SLC9A9: variants seen among roughly 807,000 people sequenced by gnomAD.
SLC9A9 encodes the protein sodium/hydrogen exchanger 9.
A neutral mutation model predicts 77.8 loss-of-function variants in SLC9A9; 62 were observed. The observed-to-expected ratio is 0.80, with a 90% CI of 0.65 to 0.98. The LOEUF (loss-of-function observed/expected upper bound fraction) is 0.98. Among genes scored for constraint, SLC9A9 ranks in the 50% least tolerant of loss-of-function variants. The pLI, the probability that SLC9A9 is intolerant of heterozygous loss-of-function variation, is 0.00. For synonymous variants in SLC9A9, 320 were observed against 283.5 expected, an observed-to-expected ratio of 1.13 and a Z score of -1.29; for missense variants, 775 against 774.9, an observed-to-expected ratio of 1.00 and a Z score of 0.00.
intron 6 of SLC9A9, among the ~76,000 whole-genome samples, chr3:143,605,745 T>C (rs2037911290): frequency 6.6e-6 from 1 of 152,332 alleles, no homozygotes; most frequent in East Asian, 1.9e-4. Flanking sequence ...TTGTTTTCGG[T>C]GACCTTATGA....
chr3:143,346,491 G>T (rs543646646), intron 14 of SLC9A9, among the ~76,000 whole-genome samples: 10 of 152,130 alleles, frequency 6.6e-5, no homozygotes, highest in South Asian at 4.2e-4. Context: ...TTATTTTTAT[G>T]AAACCTTTGG....
At chr3:143,358,932 A>T (rs2032664551) in intron 14 of SLC9A9, among the ~76,000 whole-genome samples, 1 of 152,226 alleles carries the variant, frequency 6.6e-6, no homozygotes, top group Non-Finnish European at 1.5e-5. Context: ...AAACCTAACA[A>T]AGGATGGACC....
chr3:143,563,889 G>T lies in SLC9A9; in HGVS notation c.1000+10199C>A, dbSNP rs1226883829. 2.0e-5 allele frequency among the ~76,000 whole-genome samples: 3 copies of T among 152,196 alleles called. No individual in the cohort carries two copies. The East Asian group carries it at 5.8e-4, about 29-fold the overall frequency. On this transcript the variant is annotated intron_variant, in intron 8 of 15. Transcript: ENST00000316549. ...ACTTGGGATTGAAGAATTGCATGGG[G>T]TTTAACAGCTTCACTTGACTTCCTG...
chr3:143,639,294 T>A (rs2038582015), intron 6 of SLC9A9, among the ~76,000 whole-genome samples: 1 of 152,214 alleles, frequency 6.6e-6, no homozygotes, highest in South Asian at 2.1e-4. Flanking sequence ...TTTGGAAATC[T>A]TTCCTTGCAT....
At chr3:143,371,537 A>G (rs2033059010) in intron 13 of SLC9A9, among the ~76,000 whole-genome samples, 4 of 152,202 alleles carry the variant, frequency 2.6e-5, no homozygotes, top group South Asian at 2.1e-4. Context: ...ACCTGAAGCC[A>G]GAAGAAAGGT....
At chr3:143,310,754 G>C (rs2030988306) in intron 14 of SLC9A9, among the ~76,000 whole-genome samples, 1 of 152,146 alleles carries the variant, frequency 6.6e-6, no homozygotes. Context: ...GCCGTAACCA[G>C]AAAAGATTAT....
chr3:143,754,026 C>A (rs2006841087), intron 4 of SLC9A9, among the ~76,000 whole-genome samples: 1 of 152,086 alleles, frequency 6.6e-6, no homozygotes. Context: ...CTTCTAGAAG[C>A]CAGGAGAAGG....
At chr3:143,434,252 C>T (rs900700468) in intron 12 of SLC9A9, among the ~76,000 whole-genome samples, 17 of 152,040 alleles carry the variant, frequency 1.1e-4, no homozygotes, top group African/African-American at 4.1e-4. Flanking sequence ...GAAAATCATT[C>T]GATGACAGAA....
intron 12 of SLC9A9, among the ~76,000 whole-genome samples, chr3:143,441,331 T>C (rs2108544670): frequency 6.6e-6 from 1 of 152,318 alleles, no homozygotes; most frequent in Admixed American, 6.5e-5. Context: ...AAAAAGGGTG[T>C]GGAGCTATGC....
intron 9 of SLC9A9, among the ~76,000 whole-genome samples, chr3:143,547,639 C>A (rs912073611): frequency 1.3e-5 from 2 of 152,224 alleles, no homozygotes; most frequent in Non-Finnish European, 2.9e-5. Context: ...GGTTCTCCTG[C>A]CCCAGGGGGC....
intron 2 of SLC9A9, among the ~76,000 whole-genome samples, chr3:143,825,386 A>G (rs1377517196): frequency 2.7e-5 from 4 of 150,692 alleles, no homozygotes; most frequent in African/African-American, 7.3e-5. Flanking sequence ...AAAAATCAAA[A>G]TCACCATTAG....
At chr3:143,284,073 C>T (rs886115049) in intron 14 of SLC9A9, among the ~76,000 whole-genome samples, 2 of 150,768 alleles carry the variant, frequency 1.3e-5, no homozygotes, top group African/African-American at 4.9e-5. Flanking sequence ...GTCACAGATC[C>T]AGATTTAAGC....
intron 6 of SLC9A9, among the ~76,000 whole-genome samples, chr3:143,605,065 G>T (rs559869382): frequency 6.6e-6 from 1 of 152,050 alleles, no homozygotes; most frequent in Non-Finnish European, 1.5e-5. Context: ...CACATGGAGC[G>T]CATTATGTTC....
chr3:143,749,889 A>G (rs1261590948), intron 4 of SLC9A9, among the ~76,000 whole-genome samples: 1 of 152,252 alleles, frequency 6.6e-6, no homozygotes, highest in Non-Finnish European at 1.5e-5. Context: ...GCAGATGCTC[A>G]GGCACTTAAA....
At chr3:143,719,607 T>C (rs759349410) in intron 4 of SLC9A9, among the ~76,000 whole-genome samples, 3 of 152,220 alleles carry the variant, frequency 2.0e-5, no homozygotes, top group Non-Finnish European at 4.4e-5. Flanking sequence ...GCAGGTATCA[T>C]ATGTTATTCT....
chr3:143,495,602 C>A (rs2035821157), intron 9 of SLC9A9, among the ~76,000 whole-genome samples, 154 bp from the exon 10 acceptor site: 1 of 152,132 alleles, frequency 6.6e-6, no homozygotes, highest in Non-Finnish European at 1.5e-5. Flanking sequence ...AGGATGGAGG[C>A]CCTGGCTCTT....
At chr3:143,657,387 T>C (rs939813080) in intron 5 of SLC9A9, among the ~76,000 whole-genome samples, 1 of 152,220 alleles carries the variant, frequency 6.6e-6, no homozygotes, top group Non-Finnish European at 1.5e-5. Context: ...ATGATATGCA[T>C]GCACACACTT....
chr3:143,807,149 A>G (rs1417586207), intron 2 of SLC9A9, among the ~76,000 whole-genome samples: 2 of 152,170 alleles, frequency 1.3e-5, no homozygotes, highest in African/African-American at 2.4e-5. Context: ...GAGGTAGAAA[A>G]CAGTTGTGTG....
At chr3:143,346,696 G>A (rs1015829961) in intron 14 of SLC9A9, among the ~76,000 whole-genome samples, 10 of 152,072 alleles carry the variant, frequency 6.6e-5, no homozygotes, top group African/African-American at 2.4e-4. Flanking sequence ...GGGAGGGTGA[G>A]GCACAAAAAT....
Sources: gnomAD v4.1 joint callset for allele counts (sites outside exome capture counted in the v4.1 genomes callset) on GRCh38, gnomAD v4.1.1 for gene constraint, MANE v1.5 for transcripts, NCBI Gene and HGNC (gene_info 2026-07-23, HGNC 2026-07-21) for gene names.